Variants in ATF6 observed in about 807,000 individuals in gnomAD.
ATF6 encodes activating transcription factor 6.
ATF6 carries 53 observed loss-of-function variants against 83.6 expected under a neutral mutation model. The observed-to-expected ratio is 0.63, with a 90% CI of 0.51 to 0.80. The LOEUF is 0.80. Among genes scored for constraint, ATF6 ranks in the 30% least tolerant of loss-of-function variants. ATF6 has a pLI of 0.00. For synonymous variants in ATF6, 288 were observed against 285.8 expected (o/e 1.01, Z -0.08); for missense variants, 744 against 797.9 (o/e 0.93, Z 0.81).
At chr1:161,851,334 T>TA (rs1365480636) in intron 10 of ATF6, among the ~76,000 whole-genome samples, 2 of 152,034 alleles carry the variant, frequency 1.3e-5, no homozygotes, top group Non-Finnish European at 2.9e-5. Context: ...GAATGACCCC[T>TA]AAACTTTAGT....
At chr1:161,920,711 G>A (rs145777000) in intron 15 of ATF6, among the ~76,000 whole-genome samples, 60 of 152,076 alleles carry the variant, frequency 3.9e-4, no homozygotes, top group African/African-American at 1.3e-3. Context: ...CGAGATTGCA[G>A]AAATTCTTTT....
intron 4 of ATF6, among the ~76,000 whole-genome samples, chr1:161,791,106 C>CTGTGTGTG (rs565632055): frequency 8.3e-6 from 1 of 120,768 alleles, no homozygotes; most frequent in Admixed American, 7.4e-5. Flanking sequence ...GTGTGTGTCT[C>CTGTGTGTG]TGTGTGTGTG....
rs564100501 is a variant in ATF6 at position 161,844,432 on chromosome 1, TTTTTTTG to T, written c.1188-2003_1188-1997del. On this transcript the variant is annotated intron_variant, in intron 9 of 15. Coordinates refer to ENST00000367942, the MANE Select transcript of ATF6 (RefSeq NM_007348.4). ...CAGAACTAGTATCAAAAGGTGGAAG[TTTTTTTG>T]TTTTTTGTTTTTTAAAAAGGAAGCA... 2.7e-3 allele frequency among the ~76,000 whole-genome samples: 411 copies of T among 152,212 alleles called. 1 individual carries two copies. Among genetic ancestry groups the T allele is most frequent in the African/African-American group, 9.6e-3 (397 of 41,540 alleles).
intron 11 of ATF6, among the ~76,000 whole-genome samples, chr1:161,852,818 G>A (rs1344909024): frequency 6.6e-6 from 1 of 152,060 alleles, no homozygotes; most frequent in East Asian, 1.9e-4. Context: ...GGGTCTCACT[G>A]TGTTGCGCAG....
At chr1:161,898,540 T>C (rs1687721226) in intron 14 of ATF6, among the ~76,000 whole-genome samples, 1 of 151,826 alleles carries the variant, frequency 6.6e-6, no homozygotes. Flanking sequence ...GTGTGTTTTT[T>C]TTGTTTTTGT....
rs1689020704 is a variant in ATF6 at position 161,958,726 on chromosome 1, C to T, written c.*72C>T. 1 of 1,310,068 alleles carries T rather than the reference C, an allele frequency of 7.6e-7. No homozygotes were observed. The highest frequency in any genetic ancestry group is 1.0e-6 in the Non-Finnish European group (1 of 961,018). 81.2% of individuals were successfully genotyped at this position (1,310,068 alleles called of 1,614,324 possible). ...TGAAGAGCAGGTGAGCAAAATGCTG[C>T]TTTCTGCCTTGGTGGCAGGCAGAGA... On this transcript the variant is annotated 3_prime_UTR_variant, in exon 16 of 16. Coordinates refer to ENST00000367942, the MANE Select transcript of ATF6 (RefSeq NM_007348.4).
chr1:161,862,916 A>G (rs1368608190), intron 13 of ATF6, among the ~76,000 whole-genome samples: 2 of 152,212 alleles, frequency 1.3e-5, no homozygotes, highest in Admixed American at 1.3e-4. Flanking sequence ...ATTTTCTGAT[A>G]CTTTCATTAT....
At position 161,819,513 on chromosome 1, in the gene ATF6, C is replaced by T. The variant is rs1557977446; in HGVS notation, c.910-120C>T. On this transcript the variant is annotated intron_variant, in intron 7 of 15. Coordinates refer to ENST00000367942, the MANE Select transcript of ATF6 (RefSeq NM_007348.4). ...TGTTTTCAAACCTCTTTTGAAACAA[C>T]TAGTAACCTATGCTTTGAAAAAATT... 1.2e-5 allele frequency: 8 copies of T among 688,010 alleles called. No individual in the cohort carries two copies. In the East Asian group the frequency reaches 2.6e-4, roughly 22 times the overall value. 42.6% of individuals were successfully genotyped at this position (688,010 alleles called of 1,614,324 possible).
At chr1:161,947,463 G>A (rs905216203) in intron 15 of ATF6, among the ~76,000 whole-genome samples, 1 of 152,172 alleles carries the variant, frequency 6.6e-6, no homozygotes, top group African/African-American at 2.4e-5. Flanking sequence ...GGAAGCCCAG[G>A]GTCAGGCCCA....
In ATF6 at chr1:161,958,715, G is replaced by A. The variant is rs1571264621; in HGVS notation, c.*61G>A. The A allele has an allele frequency of 8.7e-6, 12 of 1,379,750 alleles. No homozygotes were observed. In the East Asian group the frequency reaches 2.6e-4, roughly 30 times the overall value. The allele number at this position is 1,379,750 out of a possible 1,614,324, so 85.5% of individuals were successfully genotyped here. The stretch of plus-strand genomic sequence containing the variant: ...CCCTGCCAGACTGAAGAGCAGGTGA[G>A]CAAAATGCTGCTTTCTGCCTTGGTG... On this transcript the variant is annotated 3_prime_UTR_variant, in exon 16 of 16. Transcript: ENST00000367942.
intron 5 of ATF6, 95 bp from the exon 6 acceptor site, chr1:161,792,029 A>G (rs1339699568): frequency 9.8e-7 from 1 of 1,019,466 alleles, no homozygotes; most frequent in Non-Finnish European, 1.5e-6. Context: ...CGAAGTTAAG[A>G]TAATGTGTAG....
At chr1:161,924,444 A>G (rs1688270365) in intron 15 of ATF6, among the ~76,000 whole-genome samples, 1 of 152,234 alleles carries the variant, frequency 6.6e-6, no homozygotes. Flanking sequence ...GAAAATATAA[A>G]TGCAGATTGT....
chr1:161,864,132 A>G (rs1173727130), intron 14 of ATF6, among the ~76,000 whole-genome samples: 1 of 150,644 alleles, frequency 6.6e-6, no homozygotes, highest in Non-Finnish European at 1.5e-5. Flanking sequence ...GGCTGGACTC[A>G]AACCCCTGGG....
Position 161,792,109 on chromosome 1 carries a change from C to T in ATF6, c.485-15C>T. 6.2e-7 allele frequency: 1 copy of T among 1,612,248 alleles called. No homozygotes were observed. Among genetic ancestry groups the T allele is most frequent in the Non-Finnish European group, 8.5e-7 (1 of 1,179,272 alleles). The stretch of plus-strand genomic sequence containing the variant: ...GCTTTCACATTGACTTGTGGTTTGT[C>T]TGGTTTTTCTCCAGAAAATGGACTG... On this transcript the variant is annotated splice_polypyrimidine_tract_variant and intron_variant, in intron 5 of 15. Coordinates refer to ENST00000367942, the MANE Select transcript of ATF6 (RefSeq NM_007348.4).
At position 161,927,866 on chromosome 1, in the gene ATF6, A is replaced by G. The variant is rs541515717; in HGVS notation, c.1804+15486A>G. Among the ~76,000 whole-genome samples, 4 of 152,384 alleles carry G rather than the reference A, an allele frequency of 2.6e-5. No homozygotes were observed. In the East Asian group the frequency reaches 5.8e-4, roughly 22 times the overall value. On this transcript the variant is annotated intron_variant, in intron 15 of 15. Transcript: ENST00000367942. ...ATGTCTGAACTATACTGTTGGAATA[A>G]TAAGAGTAGAAATGAGTAAAATTAA...
At chr1:161,914,524 T>A (rs1350726936) in intron 15 of ATF6, among the ~76,000 whole-genome samples, 1 of 152,226 alleles carries the variant, frequency 6.6e-6, no homozygotes, top group African/African-American at 2.4e-5. Context: ...CCAGTCATCT[T>A]TTATTCCGCG....
At chr1:161,772,693 G>A (rs1461537941) in intron 1 of ATF6, among the ~76,000 whole-genome samples, 1 of 150,360 alleles carries the variant, frequency 6.7e-6, no homozygotes, top group African/African-American at 2.5e-5. Context: ...ATCTCTGTCA[G>A]TAAATGAACA....
chr1:161,947,308 T>A (rs1025172934), intron 15 of ATF6, among the ~76,000 whole-genome samples: 2 of 152,146 alleles, frequency 1.3e-5, no homozygotes, highest in African/African-American at 4.8e-5. Context: ...TAAGGGAGAT[T>A]CTTGCTAGAT....
chr1:161,834,461 T>C (rs1391986280), intron 9 of ATF6, among the ~76,000 whole-genome samples: 1 of 151,978 alleles, frequency 6.6e-6, no homozygotes, highest in African/African-American at 2.4e-5. Flanking sequence ...AAAGATGAAT[T>C]CATGTCCTTT....
Sources: allele counts gnomAD v4.1 joint callset (sites outside exome capture counted in the v4.1 genomes callset), GRCh38; gene constraint gnomAD v4.1.1; transcripts MANE v1.5; gene names NCBI Gene and HGNC (gene_info 2026-07-23, HGNC 2026-07-21).